RPS6KC1: variants seen among roughly 807,000 people sequenced by gnomAD.
RPS6KC1 encodes the protein inactive ribosomal protein S6 kinase delta-1.
In RPS6KC1, 54 loss-of-function variants were observed where a neutral mutation model predicts 103.8. That is an observed-to-expected ratio of 0.52 (90% CI 0.42 to 0.65). The LOEUF (loss-of-function observed/expected upper bound fraction) is 0.65, where lower values mean the gene tolerates loss of function less well. Ranked by LOEUF, RPS6KC1 falls within the 30% of genes least tolerant of loss-of-function variation. The pLI is 0.00. For missense variants in RPS6KC1, 1,151 were observed against 1,253.8 expected (o/e 0.92, Z 1.24); for synonymous variants, 439 against 438.7 (o/e 1.00, Z -0.01).
chr1:213,150,458 C>T lies in RPS6KC1; in HGVS notation c.836-17400C>T, dbSNP rs571750983. Among the ~76,000 whole-genome samples the T allele has an allele frequency of 2.1e-4, 31 of 148,720 alleles. No individual in the cohort carries two copies. The East Asian group carries it at 4.3e-3, about 21-fold the overall frequency. On this transcript the variant is annotated intron_variant, in intron 6 of 14. Transcript: ENST00000366960. ...TGGTTTTCCTAGGCAGAGGACCCTGCGGCCTTCCGCAGTGTTTGTGTCCCT... is the reference window on the plus strand; with the variant it reads ...TGGTTTTCCTAGGCAGAGGACCCTGTGGCCTTCCGCAGTGTTTGTGTCCCT...
chr1:213,254,793 T>C (rs1362030199), intron 12 of RPS6KC1, among the ~76,000 whole-genome samples: 1 of 152,168 alleles, frequency 6.6e-6, no homozygotes, highest in Non-Finnish European at 1.5e-5. Flanking sequence ...TCTGAGGTAA[T>C]AGTTTGTTTT....
the RPS6KC1 span, among the ~76,000 whole-genome samples, chr1:213,438,792 CTTT>C: frequency 1.2e-4 from 16 of 129,714 alleles, no homozygotes; most frequent in African/African-American, 2.3e-4. Context: ...ATCTTGGTTT[CTTT>C]TTTTTTTTTT....
the RPS6KC1 span, among the ~76,000 whole-genome samples, chr1:213,616,775 A>G: frequency 1.4e-4 from 21 of 152,170 alleles, no homozygotes; most frequent in Admixed American, 1.0e-3. Flanking sequence ...TGGCAGGAAA[A>G]CTACTGTAAG....
At chr1:213,474,695 T>A in the RPS6KC1 span, among the ~76,000 whole-genome samples, 1 of 152,160 alleles carries the variant, frequency 6.6e-6, no homozygotes, top group African/African-American at 2.4e-5. Flanking sequence ...TGCATATTAT[T>A]TACTTGTTCT....
At chr1:213,288,872 G>A in the RPS6KC1 span, among the ~76,000 whole-genome samples, 1 of 152,216 alleles carries the variant, frequency 6.6e-6, no homozygotes, top group Non-Finnish European at 1.5e-5. Context: ...AGTACCGAGA[G>A]AGAGGACATC....
the RPS6KC1 span, among the ~76,000 whole-genome samples, chr1:213,525,151 G>A: frequency 1.2e-4 from 19 of 152,190 alleles, 1 homozygote; most frequent in African/African-American, 4.6e-4. Context: ...CTACTTAGAA[G>A]TGTATTGTAA....
At chr1:213,757,386 T>C in the RPS6KC1 span, among the ~76,000 whole-genome samples, 1 of 152,324 alleles carries the variant, frequency 6.6e-6, no homozygotes, top group South Asian at 2.1e-4. Flanking sequence ...ATTGCTGAGA[T>C]GGAGAAAGTT....
intron 6 of RPS6KC1, among the ~76,000 whole-genome samples, chr1:213,142,966 A>G (rs2087255547): frequency 6.6e-6 from 1 of 152,030 alleles, no homozygotes; most frequent in African/African-American, 2.4e-5. Context: ...ATATCTCCAA[A>G]GATATGCCTG....
chr1:213,218,115 C>A (rs1356644377), intron 8 of RPS6KC1, among the ~76,000 whole-genome samples: 8 of 152,140 alleles, frequency 5.3e-5, no homozygotes, highest in Non-Finnish European at 1.0e-4. Flanking sequence ...GATTATATAT[C>A]TAGAAAACCC....
the RPS6KC1 span, chr1:213,843,651 C>A: frequency 6.6e-6 from 1 of 152,136 alleles, no homozygotes; most frequent in African/African-American, 2.4e-5. Flanking sequence ...AATCTCCTGA[C>A]CAACCCCATT....
rs2078822464 is a variant in RPS6KC1, at chr1:213,071,053, A to G, written c.141+12A>G. ...AGGATGTCCAGGAGGTAACATTTAT[A>G]TGAAGATTTTATTTTATGTATTTGA... is the stretch of plus-strand genomic sequence containing the variant. On this transcript the variant is annotated intron_variant, in intron 2 of 14. Transcript: ENST00000366960. 2.0e-6 allele frequency: 3 copies of G among 1,497,568 alleles called. No individual in the cohort carries two copies. The highest frequency in any genetic ancestry group is 2.5e-5 in the South Asian group (2 of 80,852). The allele number at this position is 1,497,568 out of a possible 1,614,324, so 92.8% of individuals were successfully genotyped here.
At chr1:213,458,783 C>T in the RPS6KC1 span, among the ~76,000 whole-genome samples, 6 of 152,176 alleles carry the variant, frequency 3.9e-5, no homozygotes, top group South Asian at 4.2e-4. Flanking sequence ...AGATACATTC[C>T]GTCAATACCT....
chr1:213,217,751 A>G (rs181162736), intron 8 of RPS6KC1, among the ~76,000 whole-genome samples: 237 of 152,330 alleles, frequency 1.6e-3, no homozygotes, highest in African/African-American at 5.6e-3. Flanking sequence ...CCAGCATATA[A>G]ACAGAACCAA....
intron 3 of RPS6KC1, among the ~76,000 whole-genome samples, chr1:213,081,187 C>T (rs991879944): frequency 2.6e-5 from 4 of 152,084 alleles, no homozygotes; most frequent in South Asian, 2.1e-4. Flanking sequence ...AAGGAATACC[C>T]GGGGCTGGGT....
At chr1:213,704,737 G>A in the RPS6KC1 span, among the ~76,000 whole-genome samples, 1 of 152,208 alleles carries the variant, frequency 6.6e-6, no homozygotes, top group Non-Finnish European at 1.5e-5. Context: ...ATTCTTCTCA[G>A]TCTGGGTTTG....
chr1:213,423,686 A>G, the RPS6KC1 span, among the ~76,000 whole-genome samples: 1 of 151,880 alleles, frequency 6.6e-6, no homozygotes, highest in Non-Finnish European at 1.5e-5. Context: ...GTTAGTTCCA[A>G]GTGTTAGCAA....
intron 8 of RPS6KC1, among the ~76,000 whole-genome samples, chr1:213,216,481 G>C (rs7528828): frequency 0.041 from 6,169 of 152,172 alleles, 181 homozygotes; most frequent in African/African-American, 0.083. Flanking sequence ...AAGTTAACAA[G>C]GATACCCAGG....
chr1:213,214,335 G>T (rs2093601318), intron 8 of RPS6KC1, among the ~76,000 whole-genome samples: 1 of 152,256 alleles, frequency 6.6e-6, no homozygotes, highest in Admixed American at 6.5e-5. Flanking sequence ...GGGAAGGGGT[G>T]CCCGCCCTTG....
intron 3 of RPS6KC1, among the ~76,000 whole-genome samples, chr1:213,084,417 G>A (rs947255817): frequency 1.3e-5 from 2 of 152,020 alleles, no homozygotes; most frequent in African/African-American, 4.8e-5. Flanking sequence ...TTACAGGTGT[G>A]AGCCACCACA....
Sources: gnomAD v4.1 joint callset for allele counts (sites outside exome capture counted in the v4.1 genomes callset) on GRCh38, gnomAD v4.1.1 for gene constraint, MANE v1.5 for transcripts, NCBI Gene and HGNC (gene_info 2026-07-23, HGNC 2026-07-21) for gene names.